Variants in CFAP99 observed in about 807,000 individuals in gnomAD.
The protein encoded by CFAP99 is cilia and flagella associated protein 99.
A neutral mutation model predicts 82.7 loss-of-function variants in CFAP99; 84 were observed. The observed-to-expected ratio is 1.02, with a 90% CI of 0.85 to 1.22. The LOEUF (loss-of-function observed/expected upper bound fraction) is 1.22. Among genes scored for constraint, CFAP99 ranks in the 50% most tolerant of loss-of-function variants. The probability of loss-of-function intolerance (pLI) is 0.00; values close to 1 mark genes in which losing one functional copy is unlikely to be tolerated. For synonymous variants in CFAP99, 456 were observed against 429.5 expected (o/e 1.06, Z -0.76); for missense variants, 1,059 against 983.5 (o/e 1.08, Z -1.03).
chr4:2,429,907 A>G (rs535380917), intron 2 of CFAP99, among the ~76,000 whole-genome samples: 4 of 152,290 alleles, frequency 2.6e-5, no homozygotes, highest in South Asian at 4.1e-4. Context: ...GATGCTTTCA[A>G]AAGCCCCTCA....
intron 2 of CFAP99, among the ~76,000 whole-genome samples, chr4:2,430,107 CA>C (rs879285667): frequency 0.014 from 2,159 of 150,580 alleles, 111 homozygotes; most frequent in Non-Finnish European, 0.018. Context: ...GGTGAAATGC[CA>C]GAAAATTACG....
At chr4:2,459,149 G>C in exon 13 of CFAP99, 1 of 1,534,942 alleles carries the variant, frequency 6.5e-7, no homozygotes, top group Non-Finnish European at 8.7e-7. Context: ...CTGCAGCGCA[G>C]GGCGCAGGCA....
chr4:2,421,897 T>A (rs983944121), intron 1 of CFAP99, among the ~76,000 whole-genome samples: 2 of 146,758 alleles, frequency 1.4e-5, no homozygotes, highest in African/African-American at 5.0e-5. Context: ...AAAAAAAAAT[T>A]AAGCACAAAA....
intron 6 of CFAP99, among the ~76,000 whole-genome samples, chr4:2,445,989 C>T (rs1033772394): frequency 1.3e-5 from 2 of 152,188 alleles, no homozygotes; most frequent in Non-Finnish European, 2.9e-5. Context: ...AATATAATGT[C>T]CTGACTGGTT....
At chr4:2,431,316 T>C (rs1203773) in intron 2 of CFAP99, among the ~76,000 whole-genome samples, 107,804 of 150,948 alleles carry the variant, frequency 0.71, 39,108 homozygotes, top group East Asian at 0.99. Context: ...TTGCAGTGAG[T>C]CGAGATCGCA....
At chr4:2,458,906 C>T (rs1734503980) in intron 12 of CFAP99, 42 bp downstream of exon 12, 1 of 1,511,398 alleles carries the variant, frequency 6.6e-7, no homozygotes, top group Non-Finnish European at 8.8e-7. Context: ...CCCGCTCTTC[C>T]CCACTCGGGT....
intron 2 of CFAP99, chr4:2,428,587 C>T (rs562034210): frequency 6.6e-6 from 1 of 152,352 alleles, no homozygotes; most frequent in African/African-American, 2.4e-5. Flanking sequence ...TTGCCAAATC[C>T]AGTGGGGCAG....
intron 5 of CFAP99, 48 bp downstream of exon 5, chr4:2,443,290 C>G: frequency 1.6e-6 from 2 of 1,245,412 alleles, no homozygotes; most frequent in Non-Finnish European, 2.3e-6. Flanking sequence ...ATCTGCACCC[C>G]ATTCCAGGTG....
At chr4:2,429,925 G>A (rs534538735) in intron 2 of CFAP99, among the ~76,000 whole-genome samples, 2 of 151,894 alleles carry the variant, frequency 1.3e-5, no homozygotes, top group Admixed American at 6.6e-5. Flanking sequence ...TCACAAGTCC[G>A]AGAGGAATGG....
intron 11 of CFAP99, among the ~76,000 whole-genome samples, chr4:2,457,731 C>G (rs56349376): frequency 0.055 from 8,351 of 152,296 alleles, 756 homozygotes; most frequent in African/African-American, 0.19. Flanking sequence ...CGGCCTGTGG[C>G]CCTCTTTTCC....
chr4:2,443,388 C>A, intron 5 of CFAP99, 146 bp downstream of exon 5: 1 of 629,862 alleles, frequency 1.6e-6, no homozygotes, highest in Non-Finnish European at 2.9e-6. Flanking sequence ...CGGATGAGAT[C>A]TTCGGAGAAG....
intron 1 of CFAP99, among the ~76,000 whole-genome samples, chr4:2,424,655 T>C (rs541798944): frequency 6.6e-5 from 10 of 152,310 alleles, no homozygotes; most frequent in African/African-American, 2.2e-4. Flanking sequence ...CCTGCCCTCC[T>C]GCTCTGTCCT....
rs145890392 is a variant in CFAP99 at position 2,436,165 on chromosome 4, T to G, written c.112-709T>G. Among the ~76,000 whole-genome samples, 195 of 151,982 alleles carry G rather than the reference T, an allele frequency of 1.3e-3. 6 individuals are homozygous for G. In the East Asian group the frequency reaches 0.031, roughly 24 times the overall value. On this transcript the variant is annotated intron_variant, in intron 2 of 14. Transcript: ENST00000635017. The stretch of plus-strand genomic sequence containing the variant: ...TCACTGCTAATTTAAAAATCCAGAC[T>G]AAAACAATGAGATTCCTTCTGCTTT...
intron 11 of CFAP99, among the ~76,000 whole-genome samples, chr4:2,454,572 G>GTTTTCTTTTTTTTTTTTTTTTTTTTTTT (rs1734377709): frequency 1.2e-5 from 1 of 80,100 alleles, no homozygotes; most frequent in African/African-American, 4.5e-5. Context: ...TTTTTTTGTT[G>GTTTTCTTTTTTTTTTTTTTTTTTTTTTT]TTTTTTTTCT....
chr4:2,426,433 G>T (rs1733685635), intron 1 of CFAP99, 26 bp from the exon 2 acceptor site: 3 of 1,420,820 alleles, frequency 2.1e-6, no homozygotes, highest in African/African-American at 1.4e-5. Flanking sequence ...GGTGTGGAGG[G>T]CGTGACCTGC....
intron 2 of CFAP99, among the ~76,000 whole-genome samples, chr4:2,433,141 A>G (rs1311360853): frequency 6.6e-6 from 1 of 152,168 alleles, no homozygotes; most frequent in East Asian, 1.9e-4. Context: ...TGCAGCTTCC[A>G]GGACCCTCCG....
At chr4:2,451,097 A>T in intron 9 of CFAP99, 79 bp downstream of exon 9, 1 of 1,479,218 alleles carries the variant, frequency 6.8e-7, no homozygotes, top group Non-Finnish European at 9.1e-7. Flanking sequence ...GTAGAGGCTC[A>T]GATGACCTGA....
At position 2,458,741 on chromosome 4, in the gene CFAP99, C is replaced by T. The variant is rs765533098; in HGVS notation, c.1180C>T (p.Gln394Ter). 6 of 1,534,660 alleles carry T rather than the reference C, an allele frequency of 3.9e-6. No homozygotes were observed. Among genetic ancestry groups the T allele is most frequent in the South Asian group, 2.4e-5 (2 of 83,944 alleles). Residue 394 changes from glutamine to a stop codon, truncating the protein, a stop_gained, in exon 12 of 15, where the codon CAG (glutamine) becomes TAG (stop). Coordinates refer to ENST00000635017, the Ensembl canonical transcript of CFAP99. LOFTEE classifies it high-confidence loss of function. ...TGGGCAGATGGCCAAGCTGATGCTGCAGCGTGCAGAGAGACGGCTCCGGGA... is the reference window on the plus strand; with the variant it reads ...TGGGCAGATGGCCAAGCTGATGCTGTAGCGTGCAGAGAGACGGCTCCGGGA...
At chr4:2,432,524 C>A (rs1478319876) in intron 2 of CFAP99, among the ~76,000 whole-genome samples, 1 of 152,162 alleles carries the variant, frequency 6.6e-6, no homozygotes, top group Admixed American at 6.5e-5. Context: ...GTATTGGTGA[C>A]ATGAATCACA....
Sources: gnomAD v4.1 joint callset for allele counts (sites outside exome capture counted in the v4.1 genomes callset) on GRCh38, gnomAD v4.1.1 for gene constraint, MANE v1.5 for transcripts, NCBI Gene and HGNC (gene_info 2026-07-23, HGNC 2026-07-21) for gene names.